The following TMEM164 variants were observed in gnomAD, a reference collection of about 807,000 sequenced individuals.
TMEM164 encodes the protein transmembrane protein 164.
TMEM164 carries 4 observed loss-of-function variants against 18.8 expected under a neutral mutation model. The ratio of observed to expected loss-of-function variants is 0.21; its 90% CI spans 0.10 to 0.49. The LOEUF is 0.49. Ranked by LOEUF, TMEM164 falls within the 20% of genes least tolerant of loss-of-function variation. The pLI is 0.98. For missense variants in TMEM164, 108 were observed against 239.9 expected (o/e 0.45, Z 3.63); for synonymous variants, 86 against 101.7 (o/e 0.85, Z 0.93).
chrX:110,181,245 G>T (rs1316344578), downstream of TMEM164, among the ~76,000 whole-genome samples: 3 of 111,826 alleles, frequency 2.7e-5, no homozygotes, highest in Admixed American at 9.4e-5. Context: ...TTTTAAAAAA[G>T]GAAATATTTA....
chrX:110,009,812 T>G (rs1464101016), intron 2 of TMEM164, among the ~76,000 whole-genome samples: 1 of 110,322 alleles, frequency 9.1e-6, no homozygotes, highest in African/African-American at 3.3e-5. Flanking sequence ...GCTAACACGG[T>G]GAAACCCTCT....
At chrX:110,181,168 T>A (rs2067322429), downstream of TMEM164, among the ~76,000 whole-genome samples, 1 of 112,053 alleles carries the variant, frequency 8.9e-6, no homozygotes, top group African/African-American at 3.3e-5. Context: ...AGCAAACTTC[T>A]TTTGCTTTCA....
chrX:110,151,237 A>G (rs1045121328), intron 5 of TMEM164, among the ~76,000 whole-genome samples: 4 of 112,286 alleles, frequency 3.6e-5, no homozygotes, highest in Non-Finnish European at 7.5e-5. Flanking sequence ...GAATATCTAT[A>G]GGATATATTC....
intron 2 of TMEM164, among the ~76,000 whole-genome samples, chrX:110,021,793 T>C (rs919492267): frequency 8.9e-6 from 1 of 112,310 alleles, no homozygotes; most frequent in African/African-American, 3.2e-5. Flanking sequence ...AGCTCCTTTT[T>C]GTTTATGTTT....
chrX:110,015,576 T>C (rs980611697), intron 2 of TMEM164, among the ~76,000 whole-genome samples: 4 of 110,348 alleles, frequency 3.6e-5, no homozygotes, highest in African/African-American at 1.3e-4. Context: ...TGTGTGTGTG[T>C]GTGTGCGCGC....
intron 4 of TMEM164, among the ~76,000 whole-genome samples, chrX:110,112,360 A>G (rs1214478724): frequency 3.6e-5 from 4 of 110,965 alleles, no homozygotes; most frequent in Admixed American, 9.6e-5. Context: ...AATAGAAATT[A>G]ACTGGGCATG....
At chrX:110,178,601 GT>G (rs1042856033), downstream of TMEM164, among the ~76,000 whole-genome samples, 2 of 112,475 alleles carry the variant, frequency 1.8e-5, no homozygotes, top group Non-Finnish European at 3.8e-5. Context: ...ATTTGCCAGT[GT>G]TTGGGCACCC....
In TMEM164 at chrX:110,070,632, C is replaced by G. The variant is rs1188400217; in HGVS notation, c.440+3236C>G. ...AGGTGCAGTGACTCACGCCTGTAATCCTAGCACTTTGGGATGCTAAGGTGG... is the reference window on the plus strand; with the variant it reads ...AGGTGCAGTGACTCACGCCTGTAATGCTAGCACTTTGGGATGCTAAGGTGG... On this transcript the variant is annotated intron_variant, in intron 3 of 6. Transcript: ENST00000372068. 3.6e-5 allele frequency among the ~76,000 whole-genome samples: 4 copies of G among 110,717 alleles called. No individual in the cohort carries two copies. The East Asian group carries it at 1.1e-3, about 31-fold the overall frequency.
chrX:110,117,828 A>T (rs779123976), intron 4 of TMEM164, among the ~76,000 whole-genome samples: 24 of 112,085 alleles, frequency 2.1e-4, no homozygotes, highest in Admixed American at 1.2e-3. Context: ...GTACATGGAG[A>T]TTAAAGATTT....
chrX:110,046,680 T>C (rs1016578776), intron 2 of TMEM164, among the ~76,000 whole-genome samples: 2 of 112,201 alleles, frequency 1.8e-5, no homozygotes, highest in African/African-American at 6.5e-5. Flanking sequence ...TAAAATAGAG[T>C]TGGGGGCAAT....
At chrX:110,040,097 A>G (rs1470794005) in intron 2 of TMEM164, among the ~76,000 whole-genome samples, 1 of 112,224 alleles carries the variant, frequency 8.9e-6, no homozygotes, top group Non-Finnish European at 1.9e-5. Context: ...ACTCTAAGGC[A>G]TTCTCTCCAA....
intron 3 of TMEM164, among the ~76,000 whole-genome samples, chrX:110,090,209 G>A (rs72618393): frequency 1.8e-5 from 2 of 110,574 alleles, no homozygotes; most frequent in East Asian, 5.6e-4. Context: ...TGCAACCAGG[G>A]AATTATCTTT....
At chrX:110,026,883 A>T (rs1769522673) in intron 2 of TMEM164, among the ~76,000 whole-genome samples, 1 of 112,243 alleles carries the variant, frequency 8.9e-6, no homozygotes, top group Non-Finnish European at 1.9e-5. Flanking sequence ...TCATTTTTGT[A>T]TCCAGCAACC....
At chrX:110,108,556 A>G (rs899344508) in intron 3 of TMEM164, among the ~76,000 whole-genome samples, 1 of 112,173 alleles carries the variant, frequency 8.9e-6, no homozygotes, top group Admixed American at 9.4e-5. Flanking sequence ...CATTTCTAAG[A>G]AAGTGGGGAA....
At chrX:110,094,913 G>T (rs758784227) in intron 3 of TMEM164, among the ~76,000 whole-genome samples, 4 of 111,496 alleles carry the variant, frequency 3.6e-5, no homozygotes, top group East Asian at 2.8e-4. Context: ...GTCTGTAAAG[G>T]ATTTTATTTC....
Position 110,173,575 on chromosome X carries a change from T to C in TMEM164, c.*124T>C. 1 of 567,157 alleles carries C rather than the reference T, an allele frequency of 1.8e-6. No individual in the cohort carries two copies. The highest frequency in any genetic ancestry group is 3.5e-5 in the East Asian group (1 of 28,213). The allele number at this position is 567,157 out of a possible 1,213,427, so 46.7% of individuals were successfully genotyped here. ...GGATGTTTGGTGTATTTCTTTTTCC[T>C]CCTTTCTGTCCCTTTCTTCTACCAC... On this transcript the variant is annotated 3_prime_UTR_variant, in exon 7 of 7. Transcript: ENST00000372068.
chrX:110,088,625 G>T (rs1343155327), intron 3 of TMEM164, among the ~76,000 whole-genome samples: 1 of 111,809 alleles, frequency 8.9e-6, no homozygotes, highest in African/African-American at 3.3e-5. Flanking sequence ...TTATTGTCAG[G>T]TTCTGCCTTC....
chrX:110,046,334 C>CT (rs1349513658), intron 2 of TMEM164: 1 of 752,660 alleles, frequency 1.3e-6, no homozygotes, highest in Non-Finnish European at 1.6e-6. Flanking sequence ...GAGTATTTGC[C>CT]TTTTGCTTAT....
intron 2 of TMEM164, among the ~76,000 whole-genome samples, chrX:110,066,526 T>C (rs1936346884): frequency 8.9e-6 from 1 of 112,416 alleles, no homozygotes; most frequent in African/African-American, 3.2e-5. Context: ...TGGAGTCCCA[T>C]ACTTGGGGAA....
Sources: allele counts gnomAD v4.1 joint callset (sites outside exome capture counted in the v4.1 genomes callset), GRCh38; gene constraint gnomAD v4.1.1; transcripts MANE v1.5; gene names NCBI Gene and HGNC (gene_info 2026-07-23, HGNC 2026-07-21).